Variants in ABCB8 observed in about 807,000 individuals in gnomAD.
ABCB8 encodes ATP binding cassette subfamily B member 8.
In ABCB8, 52 loss-of-function variants were observed where a neutral mutation model predicts 73.0. That is an observed-to-expected ratio of 0.71 (90% CI 0.57 to 0.90). The LOEUF is 0.90. ABCB8 is among the 40% of genes least tolerant of loss of function. ABCB8 has a pLI of 0.00. For synonymous variants in ABCB8, 428 were observed against 423.5 expected, an observed-to-expected ratio of 1.01 and a Z score of -0.13; for missense variants, 909 against 974.6, an observed-to-expected ratio of 0.93 and a Z score of 0.90.
intron 9 of ABCB8, chr7:151,037,409 A>T (rs931028311): frequency 1.4e-6 from 1 of 691,704 alleles, no homozygotes; most frequent in Non-Finnish European, 2.6e-6. Context: ...CTTATAGCTT[A>T]TTGCTTTGCG....
intron 9 of ABCB8, 56 bp from the exon 10 acceptor site, chr7:151,040,212 C>T: frequency 6.3e-7 from 1 of 1,588,872 alleles, no homozygotes; most frequent in South Asian, 1.2e-5. Flanking sequence ...CTTCCTTCCC[C>T]TCCTCTGGCT....
intron 9 of ABCB8, chr7:151,040,042 A>G: frequency 1.8e-6 from 1 of 547,076 alleles, no homozygotes. Flanking sequence ...GCTTGGGCTG[A>G]GCTGAGGGAC....
chr7:151,045,422 T>C lies in ABCB8; in HGVS notation c.*73T>C. The C allele has an allele frequency of 7.2e-7, 1 of 1,388,832 alleles. No individual in the cohort carries two copies. Among genetic ancestry groups the C allele is most frequent in the Admixed American group, 3.1e-5 (1 of 32,132 alleles). The allele number at this position is 1,388,832 out of a possible 1,614,324, so 86.0% of individuals were successfully genotyped here. A position where few individuals can be genotyped will look rare whatever the true frequency, so the allele number is the denominator to read the frequency against. On this transcript the variant is annotated 3_prime_UTR_variant, in exon 16 of 16. Coordinates refer to ENST00000358849, the MANE Select transcript of ABCB8 (RefSeq NM_007188.5). ...TGGGGCTCAGCCTGGGGGAGCCTAC[T>C]GGGGACTGAGCCCCCAGGAGGGCCA...
intron 1 of ABCB8, chr7:151,028,822 G>T: frequency 6.4e-7 from 1 of 1,556,610 alleles, no homozygotes; most frequent in Non-Finnish European, 8.6e-7. Flanking sequence ...GTCTGCAGCC[G>T]CGTGTCAGCC....
chr7:151,045,005 G>A (rs956907984), intron 15 of ABCB8, among the ~76,000 whole-genome samples: 1 of 152,252 alleles, frequency 6.6e-6, no homozygotes, highest in Non-Finnish European at 1.5e-5. Flanking sequence ...CCAAAATTCA[G>A]CTAAGTAAGG....
At position 151,045,625 on chromosome 7, in the gene ABCB8, C is replaced by T; in HGVS notation, c.*276C>T. ...GAGACAGAGTTCCACGAGACACCTCCACTCTATTCTCCCTTTGCCCAGACC... is the reference window on the plus strand; with the variant it reads ...GAGACAGAGTTCCACGAGACACCTCTACTCTATTCTCCCTTTGCCCAGACC... On this transcript the variant is annotated 3_prime_UTR_variant, in exon 16 of 16. Coordinates refer to ENST00000358849, the MANE Select transcript of ABCB8 (RefSeq NM_007188.5). The T allele has an allele frequency of 2.6e-6, 1 of 384,034 alleles. No homozygotes were observed. The highest frequency in any genetic ancestry group is 4.6e-6 in the Non-Finnish European group (1 of 216,796). The allele number at this position is 384,034 out of a possible 1,614,324, so 23.8% of individuals were successfully genotyped here. A position where few individuals can be genotyped will look rare whatever the true frequency, so the allele number is the denominator to read the frequency against.
In ABCB8 at chr7:151,034,534, G is replaced by A; in HGVS notation, c.594G>A (p.Leu198=). 2.5e-6 allele frequency: 4 copies of A among 1,613,434 alleles called. No individual in the cohort carries two copies. Among genetic ancestry groups the A allele is most frequent in the Non-Finnish European group, 3.4e-6 (4 of 1,180,022 alleles). The change falls in exon 4 of 16, where the codon CTG becomes CTA. Residue 198 remains leucine, a synonymous_variant. Coordinates refer to ENST00000358849, the MANE Select transcript of ABCB8 (RefSeq NM_007188.5). ...QGLLTFGYLV[L]LSHVGERMAV... is the part of the protein sequence containing the mutation. The stretch of plus-strand genomic sequence containing the variant: ...TGCTGACCTTCGGGTACCTGGTGCT[G>A]CTGTCCCACGTTGGCGAGCGCATGG...
chr7:151,029,771 T>G (rs1302886408), intron 1 of ABCB8: 1 of 152,246 alleles, frequency 6.6e-6, no homozygotes, highest in African/African-American at 2.4e-5. Context: ...CCTCCCAAAG[T>G]GCTGGGATTA....
intron 1 of ABCB8, chr7:151,029,588 C>A (rs1215042961): frequency 6.7e-6 from 1 of 149,102 alleles, no homozygotes; most frequent in African/African-American, 2.5e-5. Flanking sequence ...CTGACTGCAA[C>A]CTCTGCCTCC....
intron 9 of ABCB8, chr7:151,037,401 T>TA: frequency 1.4e-6 from 1 of 696,040 alleles, no homozygotes; most frequent in Non-Finnish European, 2.6e-6. Flanking sequence ...ACCCCACCCT[T>TA]ATAGCTTATT....
chr7:151,044,121 G>T lies in ABCB8; in HGVS notation c.1916G>T (p.Arg639Leu). The T allele has an allele frequency of 6.2e-7, 1 of 1,613,946 alleles. No homozygotes were observed. The highest frequency in any genetic ancestry group is 8.5e-7 in the Non-Finnish European group (1 of 1,179,970). Residue 639 changes from arginine to leucine, a missense_variant, in exon 15 of 16, where the codon CGG becomes CTG. Physicochemically the swap from Arg to Leu is moderately radical, Grantham distance 102. Coordinates refer to ENST00000358849, the MANE Select transcript of ABCB8 (RefSeq NM_007188.5). Reference sequence around the variant, plus strand: ...CGGGTTGTACAGGAGGCCCTGGACCGGGCCAGTGCAGGCCGCACGGTGCTG... The same window carrying T: ...CGGGTTGTACAGGAGGCCCTGGACCTGGCCAGTGCAGGCCGCACGGTGCTG... ...SERVVQEALD[R>L]ASAGRTVLVI...
At position 151,035,748 on chromosome 7, in the gene ABCB8, G is replaced by A. The variant is rs373397437; in HGVS notation, c.927+6G>A. 39 of 1,612,080 alleles carry A rather than the reference G, an allele frequency of 2.4e-5. No individual in the cohort carries two copies. The highest frequency in any genetic ancestry group is 1.6e-4 in the African/African-American group (12 of 74,944). Reference sequence around the variant, plus strand: ...CTCGCCAGTGTCAGGAGCAGGTACCGGCATTCCTGGCCATCCTCTTCACCC... The same window carrying A: ...CTCGCCAGTGTCAGGAGCAGGTACCAGCATTCCTGGCCATCCTCTTCACCC... On this transcript the variant is annotated splice_donor_region_variant and intron_variant, in intron 6 of 15. Coordinates refer to ENST00000358849, the MANE Select transcript of ABCB8 (RefSeq NM_007188.5).
intron 1 of ABCB8, chr7:151,033,089 G>C (rs1326559591): frequency 2.2e-6 from 1 of 457,158 alleles, no homozygotes; most frequent in Admixed American, 2.3e-5. Context: ...TCCCTCCCAG[G>C]GAGGTGAGGA....
chr7:151,034,719 G>A lies in ABCB8; in HGVS notation c.660-5G>A. ...CCCTCCTTATTGGTTCTTGTCCCAT[G>A]CCAGACAAGACATCACCTTCTTTGA... On this transcript the variant is annotated splice_polypyrimidine_tract_variant and splice_region_variant and intron_variant, in intron 4 of 15. Transcript: ENST00000358849. 6.2e-7 allele frequency: 1 copy of A among 1,613,754 alleles called. No homozygotes were observed.
At chr7:151,043,892 C>G in intron 14 of ABCB8, 79 bp from the exon 15 acceptor site, 1 of 1,573,526 alleles carries the variant, frequency 6.4e-7, no homozygotes, top group Non-Finnish European at 8.7e-7. Context: ...GATGGGCGTT[C>G]AGGAAGGACC....
intron 1 of ABCB8, among the ~76,000 whole-genome samples, chr7:151,032,429 C>G (rs1480839968): frequency 6.6e-6 from 1 of 152,244 alleles, no homozygotes; most frequent in Non-Finnish European, 1.5e-5. Context: ...GGCACGGTGG[C>G]TCATACCTGG....
At chr7:151,040,142 G>T in intron 9 of ABCB8, 126 bp from the exon 10 acceptor site, 2 of 1,088,814 alleles carry the variant, frequency 1.8e-6, no homozygotes, top group Admixed American at 2.3e-5. Flanking sequence ...CATGGTGCAG[G>T]AGCAGTCTCT....
intron 9 of ABCB8, chr7:151,037,386 C>T (rs1796339157): frequency 1.4e-6 from 1 of 700,010 alleles, no homozygotes; most frequent in South Asian, 1.5e-5. Context: ...CCCCTGTCCC[C>T]ACACACCCCA....
At position 151,035,702 on chromosome 7, in the gene ABCB8, G is replaced by C; in HGVS notation, c.887G>C (p.Gly296Ala). ...PALMGVGTLM[G>A]SGLRKLSRQC... Reference sequence around the variant, plus strand: ...CTGATGGGAGTGGGCACCCTGATGGGCTCAGGCCTCCGAAAATTGTCTCGC... The same window carrying C: ...CTGATGGGAGTGGGCACCCTGATGGCCTCAGGCCTCCGAAAATTGTCTCGC... Residue 296 changes from glycine (G) to alanine (A), a missense_variant, in exon 6 of 16, where the codon GGC (glycine) becomes GCC (alanine). Transcript: ENST00000358849. The C allele has an allele frequency of 6.2e-7, 1 of 1,613,524 alleles. No homozygotes were observed. Among genetic ancestry groups the C allele is most frequent in the Non-Finnish European group, 8.5e-7 (1 of 1,180,012 alleles).
Sources: gnomAD v4.1 joint callset for allele counts (sites outside exome capture counted in the v4.1 genomes callset) on GRCh38, gnomAD v4.1.1 for gene constraint, MANE v1.5 for transcripts, NCBI Gene and HGNC (gene_info 2026-07-23, HGNC 2026-07-21) for gene names.